ZNF786: variants seen among roughly 807,000 people sequenced by gnomAD.
ZNF786 encodes zinc finger protein 786.
ZNF786 carries 56 observed loss-of-function variants against 63.1 expected under a neutral mutation model. The ratio of observed to expected loss-of-function variants is 0.89; its 90% confidence interval spans 0.72 to 1.11. The LOEUF is 1.11. Ranked by LOEUF, ZNF786 falls within the 50% of genes least tolerant of loss-of-function variation. The pLI is 0.00. For missense variants in ZNF786, 1,213 were observed against 1,041.8 expected (o/e 1.16, Z -2.26); for synonymous variants, 485 against 406.9 (o/e 1.19, Z -2.31).
In ZNF786 at chr7:149,070,951, C is replaced by G. The variant is rs752122751; in HGVS notation, c.1821G>C (p.Gln607His). The G allele has an allele frequency of 3.7e-6, 6 of 1,613,534 alleles. No individual in the cohort carries two copies. In the Admixed American group the frequency reaches 1.0e-4, roughly 27 times the overall value. ...ECNRSFRLKG[Q>H]LLSHQRLHTG... ...TGTGCAGGCGCTGATGGCTGAGCAG[C>G]TGCCCCTTCAGGCGGAAGCTCCTGT... The change falls in exon 4 of 4, where the codon CAG (glutamine) becomes CAC (histidine). Residue 607 changes from glutamine (Q) to histidine (H), a missense_variant. Physicochemically the swap from Gln to His is conservative, Grantham distance 24. Coordinates refer to ENST00000491431, the MANE Select transcript of ZNF786 (RefSeq NM_152411.4).
intron 1 of ZNF786, among the ~76,000 whole-genome samples, chr7:149,084,402 A>G (rs2129516818): frequency 6.6e-6 from 1 of 152,058 alleles, no homozygotes; most frequent in East Asian, 1.9e-4. Flanking sequence ...TCTTTGAGAA[A>G]TCACCAAACT....
At position 149,071,295 on chromosome 7, in the gene ZNF786, C is replaced by T; in HGVS notation, c.1477G>A (p.Glu493Lys). 1 of 1,611,290 alleles carries T rather than the reference C, an allele frequency of 6.2e-7. No homozygotes were observed. The highest frequency in any genetic ancestry group is 1.1e-5 in the South Asian group (1 of 90,970). Residue 493 changes from glutamate to lysine, a missense_variant, in exon 4 of 4, where the codon GAG becomes AAG. By Grantham distance (56) the Glu-to-Lys change is moderately conservative. Coordinates refer to ENST00000491431, the MANE Select transcript of ZNF786 (RefSeq NM_152411.4). ...CPECGLSFRL[E>K]SMLRAHRLRH... ...AGCCGGTGGGCTCTCAGCATGCTCT[C>T]CAGGCGGAAGCTCAGCCCACACTCT...
chr7:149,072,258 C>G lies in ZNF786; in HGVS notation c.514G>C (p.Asp172His). Reference sequence around the variant, plus strand: ...GGGACGTCCCACAAACCAGGAAGATCCAGATTTCTGGGACCTGGGATTCCT... The same window carrying G: ...GGGACGTCCCACAAACCAGGAAGATGCAGATTTCTGGGACCTGGGATTCCT... ...KEGIPGPRNLDLPGLWDVPAW... is the reference protein window; with the variant it reads ...KEGIPGPRNLHLPGLWDVPAW... Residue 172 changes from aspartate (D) to histidine (H), a missense_variant, in exon 4 of 4, where the codon GAT becomes CAT. Transcript: ENST00000491431. The G allele has an allele frequency of 6.2e-7, 1 of 1,613,476 alleles. No homozygotes were observed.
At chr7:149,076,574 C>T (rs948785818) in intron 2 of ZNF786, among the ~76,000 whole-genome samples, 4 of 151,116 alleles carry the variant, frequency 2.6e-5, no homozygotes, top group Non-Finnish European at 5.9e-5. Context: ...CAAAAGTTAG[C>T]TGGGTGTGGT....
At chr7:149,089,543 C>G (rs1825796397) in intron 1 of ZNF786, among the ~76,000 whole-genome samples, 1 of 151,538 alleles carries the variant, frequency 6.6e-6, no homozygotes, top group Non-Finnish European at 1.5e-5. Flanking sequence ...TCTTGAACTC[C>G]TGACGTCAAG....
At chr7:149,079,152 T>C (rs1563138881) in intron 2 of ZNF786, among the ~76,000 whole-genome samples, 1 of 152,210 alleles carries the variant, frequency 6.6e-6, no homozygotes, top group African/African-American at 2.4e-5. Flanking sequence ...CTCACGCCTG[T>C]AATCCCAGCA....
chr7:149,081,093 G>A, intron 1 of ZNF786: 1 of 458,320 alleles, frequency 2.2e-6, no homozygotes, highest in Non-Finnish European at 4.4e-6. Context: ...TATATTCCAT[G>A]AGTAGAAGAT....
chr7:149,071,528 T>C lies in ZNF786; in HGVS notation c.1244A>G (p.His415Arg). ...RFRLRRLLQV[H>R]QHAHGGERPF... ...TCTCTCCCCACCGTGCGCGTGCTGGTGGACCTGCAGCAGGCGGCGCAGGCG... is the reference window on the plus strand; with the variant it reads ...TCTCTCCCCACCGTGCGCGTGCTGGCGGACCTGCAGCAGGCGGCGCAGGCG... The change falls in exon 4 of 4, where the codon CAC becomes CGC. Residue 415 changes from histidine (H) to arginine (R), a missense_variant. Physicochemically the swap from His to Arg is conservative, Grantham distance 29 (BLOSUM62 0). Transcript: ENST00000491431. 6.2e-7 allele frequency: 1 copy of C among 1,613,254 alleles called. No homozygotes were observed. The highest frequency in any genetic ancestry group is 8.5e-7 in the Non-Finnish European group (1 of 1,179,864).
Position 149,070,234 on chromosome 7 carries a change from A to G in ZNF786, c.*189T>C. Reference sequence around the variant, plus strand: ...TTGGAAAAAAAAAAAAAAAAGAAAGAAATATAATTGGTGATGCTTCTGAAG... The same window carrying G: ...TTGGAAAAAAAAAAAAAAAAGAAAGGAATATAATTGGTGATGCTTCTGAAG... On this transcript the variant is annotated 3_prime_UTR_variant, in exon 4 of 4. Transcript: ENST00000491431. The G allele has an allele frequency of 1.4e-6, 1 of 723,342 alleles. No homozygotes were observed. The highest frequency in any genetic ancestry group is 2.1e-6 in the Non-Finnish European group (1 of 465,302). 44.8% of individuals were successfully genotyped at this position (723,342 alleles called of 1,614,324 possible).
chr7:149,072,703 G>A (rs939768954), intron 3 of ZNF786, among the ~76,000 whole-genome samples: 5 of 152,136 alleles, frequency 3.3e-5, no homozygotes, highest in Non-Finnish European at 7.3e-5. Flanking sequence ...GAAAATATAG[G>A]TCGCAAATAT....
intron 1 of ZNF786, among the ~76,000 whole-genome samples, chr7:149,086,282 A>G (rs1825734828): frequency 6.6e-6 from 1 of 152,214 alleles, no homozygotes; most frequent in Non-Finnish European, 1.5e-5. Context: ...TAAGAAGCAC[A>G]TCACCAGCAT....
At chr7:149,090,550 C>A in intron 1 of ZNF786, 73 bp downstream of exon 1, 1 of 1,435,580 alleles carries the variant, frequency 7.0e-7, no homozygotes, top group Non-Finnish European at 9.3e-7. Flanking sequence ...GACCCCAGGA[C>A]ACGGGCGAGC....
intron 1 of ZNF786, among the ~76,000 whole-genome samples, chr7:149,081,435 CAAA>C (rs749538585): frequency 0.012 from 566 of 46,162 alleles, 1 homozygote; most frequent in African/African-American, 0.017. Flanking sequence ...GACTCGGTCT[CAAA>C]AAAAAAAAAA....
intron 1 of ZNF786, among the ~76,000 whole-genome samples, chr7:149,086,801 C>T (rs1825746397): frequency 6.6e-6 from 1 of 151,506 alleles, no homozygotes; most frequent in South Asian, 2.1e-4. Flanking sequence ...CCCCCCATGA[C>T]CTAAACACCT....
rs765141990 is a variant in ZNF786, at chr7:149,074,412, G to T, written c.272C>A (p.Pro91Gln). The change falls in exon 3 of 4, where the codon CCA becomes CAA. Residue 91 changes from proline to glutamine, a missense_variant. Pro to Gln is a moderately conservative substitution (Grantham distance 76). Transcript: ENST00000491431. ...ICSSVDMHFD[P>Q]GFEEQLFWGS... ...CCAAAACAGCTGTTCCTCAAAACCTGGATCAAAATGCATATCAACAGAGGA... is the reference window on the plus strand; with the variant it reads ...CCAAAACAGCTGTTCCTCAAAACCTTGATCAAAATGCATATCAACAGAGGA... The T allele has an allele frequency of 1.1e-5, 18 of 1,613,558 alleles. No individual in the cohort carries two copies. In the Admixed American group the frequency reaches 2.7e-4, roughly 24 times the overall value.
rs1194977614 is a variant in ZNF786 at position 149,072,071 on chromosome 7, G to T, written c.701C>A (p.Pro234His). 6.2e-7 allele frequency: 1 copy of T among 1,613,246 alleles called. No homozygotes were observed. Among genetic ancestry groups the T allele is most frequent in the Non-Finnish European group, 8.5e-7 (1 of 1,179,722 alleles). ...ACACCGGAAGTGCCTCTGTACCCGAGGGCTGCTCCACGGCATCTGCGTCTC... is the reference window on the plus strand; with the variant it reads ...ACACCGGAAGTGCCTCTGTACCCGATGGCTGCTCCACGGCATCTGCGTCTC... ...RAETQMPWSSPRVQRHFRCGV... is the reference protein window; with the variant it reads ...RAETQMPWSSHRVQRHFRCGV... Residue 234 changes from proline (P) to histidine (H), a missense_variant, in exon 4 of 4, where the codon CCT (proline) becomes CAT (histidine). Transcript: ENST00000491431.
At chr7:149,073,745 GTGTATATATATATA>G (rs1180486411) in intron 3 of ZNF786, among the ~76,000 whole-genome samples, 4 of 67,778 alleles carry the variant, frequency 5.9e-5, no homozygotes, top group African/African-American at 2.5e-4. Flanking sequence ...GTGTGTGTGT[GTGTATATATATATA>G]TATATATATA....
intron 2 of ZNF786, among the ~76,000 whole-genome samples, chr7:149,076,674 G>C (rs1012863331): frequency 6.8e-6 from 1 of 146,814 alleles, no homozygotes; most frequent in East Asian, 2.1e-4. Context: ...AGCCGAGATC[G>C]CGCCACTGCA....
intron 2 of ZNF786, among the ~76,000 whole-genome samples, chr7:149,076,063 C>T (rs967222079): frequency 1.4e-4 from 21 of 151,946 alleles, no homozygotes; most frequent in Non-Finnish European, 2.8e-4. Context: ...TACATTATTC[C>T]TATGCATGTT....
Sources: gnomAD v4.1 joint callset for allele counts (sites outside exome capture counted in the v4.1 genomes callset) on GRCh38, gnomAD v4.1.1 for gene constraint, MANE v1.5 for transcripts, NCBI Gene and HGNC (gene_info 2026-07-23, HGNC 2026-07-21) for gene names.